Variants in TEAD3 observed in about 807,000 individuals in gnomAD.
The protein encoded by TEAD3 is transcriptional enhancer factor TEF-5.
TEAD3 carries 15 observed loss-of-function variants against 55.6 expected under a neutral mutation model. The ratio of observed to expected loss-of-function variants is 0.27; its 90% CI spans 0.18 to 0.42. The LOEUF (loss-of-function observed/expected upper bound fraction) is 0.42. Among genes scored for constraint, TEAD3 ranks in the 10% least tolerant of loss-of-function variants. TEAD3 has a pLI of 1.00. For missense variants in TEAD3, 407 were observed against 576.8 expected (o/e 0.71, Z 3.01); for synonymous variants, 210 against 232.2 (o/e 0.90, Z 0.87).
downstream of TEAD3, chr6:35,473,837 G>A (rs1196972572): frequency 3.9e-5 from 6 of 152,502 alleles, no homozygotes; most frequent in Non-Finnish European, 8.8e-5. Flanking sequence ...CTCGGGCAGG[G>A]TCGGGATGAG....
In TEAD3 at chr6:35,486,703, C is replaced by A. The variant is rs1433110717; in HGVS notation, c.-41G>T. The A allele has an allele frequency of 3.1e-6, 5 of 1,596,434 alleles. No homozygotes were observed. In the African/African-American group the frequency reaches 4.0e-5, roughly 13 times the overall value. ...GGGCTCTGGGCCTGAGCCCACTGGG[C>A]GGCTGAGCCTGGGGGACAGACAGAC... On this transcript the variant is annotated 5_prime_UTR_variant, in exon 2 of 13. Transcript: ENST00000639578. This position sits in a 1 kb window ranked among gnomAD's most constrained non-coding sequence, Gnocchi z 7.3.
At chr6:35,476,153 G>C in intron 9 of TEAD3, 61 bp from the exon 10 acceptor site, 1 of 1,529,226 alleles carries the variant, frequency 6.5e-7, no homozygotes, top group Non-Finnish European at 8.8e-7. Context: ...CGGGGGCGGG[G>C]AAGGGAGCAC....
intron 1 of TEAD3, among the ~76,000 whole-genome samples, chr6:35,493,255 G>C (rs1208507767): frequency 6.6e-6 from 1 of 152,136 alleles, no homozygotes; most frequent in Non-Finnish European, 1.5e-5. Flanking sequence ...GTGTACAATT[G>C]AGAGGCATTA....
At position 35,494,189 on chromosome 6, in the gene TEAD3, C is replaced by T. The variant is rs537835002; in HGVS notation, c.-50+2709G>A. Among the ~76,000 whole-genome samples the T allele has an allele frequency of 4.3e-4, 65 of 152,364 alleles. 2 individuals are homozygous for T. In the South Asian group the frequency reaches 0.012, roughly 29 times the overall value. On this transcript the variant is annotated intron_variant, in intron 1 of 12. Transcript: ENST00000639578. ...TCCCACTCATGGCTTCTCTCACACACATCCAGCGTCACACACAGTTGCATT... is the reference window on the plus strand; with the variant it reads ...TCCCACTCATGGCTTCTCTCACACATATCCAGCGTCACACACAGTTGCATT...
intron 5 of TEAD3, among the ~76,000 whole-genome samples, chr6:35,478,877 C>CTTTT (rs67071124): frequency 3.7e-5 from 4 of 106,754 alleles, no homozygotes; most frequent in African/African-American, 1.1e-4. Flanking sequence ...CTCCTATTTT[C>CTTTT]TTTTTTTTTT....
rs537568179 is a variant in TEAD3 at position 35,484,200 on chromosome 6, T to C, written c.267+360A>G. ...CGCCACCTTGCTCTGTACCCATCCA[T>C]CTGACCATCTGGCTCCCTGGCTGGT... On this transcript the variant is annotated intron_variant, in intron 3 of 12. Transcript: ENST00000639578. The surrounding 1 kb of genome is among the most constrained non-coding windows in gnomAD (Gnocchi z 5.8). 1.6e-4 allele frequency among the ~76,000 whole-genome samples: 25 copies of C among 152,236 alleles called. No individual in the cohort carries two copies. The highest frequency in any genetic ancestry group is 6.8e-3 in the Middle Eastern group (2 of 294).
Position 35,475,441 on chromosome 6 carries a change from G to A in TEAD3, c.1089C>T (p.His363=), listed in dbSNP as rs781711294. The change falls in exon 12 of 13, where the codon CAC becomes CAT. Residue 363 remains histidine, a synonymous_variant. Coordinates refer to ENST00000639578, the Ensembl canonical transcript of TEAD3. This position sits in a 1 kb window ranked among gnomAD's most constrained non-coding sequence, Gnocchi z 5.4. ...TCATGTACTCGCACATGGGCGAGCG[G>A]TGGATACGGTACACAAAGCGCCCGT... The A allele has an allele frequency of 1.9e-6, 3 of 1,613,842 alleles. No individual in the cohort carries two copies. Among genetic ancestry groups the A allele is most frequent in the African/African-American group, 1.3e-5 (1 of 74,886 alleles).
chr6:35,476,107 C>T lies in TEAD3; in HGVS notation c.727-15G>A. ...TGTTTGCTGTACTGTGGGGAGGGCCCAGACAGGGTCAGGAGAGTACTCAGG... is the reference window on the plus strand; with the variant it reads ...TGTTTGCTGTACTGTGGGGAGGGCCTAGACAGGGTCAGGAGAGTACTCAGG... On this transcript the variant is annotated splice_polypyrimidine_tract_variant and intron_variant, in intron 9 of 12. Transcript: ENST00000639578. The T allele has an allele frequency of 6.5e-7, 1 of 1,535,530 alleles. No individual in the cohort carries two copies. The highest frequency in any genetic ancestry group is 8.8e-7 in the Non-Finnish European group (1 of 1,140,052).
At position 35,484,958 on chromosome 6, in the gene TEAD3, G is replaced by A. The variant is rs73415624; in HGVS notation, c.203-334C>T. On this transcript the variant is annotated intron_variant, in intron 2 of 12. Coordinates refer to ENST00000639578, the Ensembl canonical transcript of TEAD3. The surrounding 1 kb of genome is among the most constrained non-coding windows in gnomAD (Gnocchi z 5.8). ...CGGGTGGCTGTGGTACAGGTCAGCA[G>A]GACAGTAGCTGAGTAGGGCCTGTCC... Among the ~76,000 whole-genome samples, 416 of 152,272 alleles carry A rather than the reference G, an allele frequency of 2.7e-3. 3 individuals are homozygous for A. The highest frequency in any genetic ancestry group is 9.4e-3 in the African/African-American group (389 of 41,560).
intron 3 of TEAD3, 52 bp from the exon 4 acceptor site, chr6:35,480,426 G>A: frequency 6.2e-7 from 1 of 1,603,424 alleles, no homozygotes. Context: ...CAGTGAGGAG[G>A]CACAGCCATG....
chr6:35,495,227 C>G (rs545685384), intron 1 of TEAD3, among the ~76,000 whole-genome samples: 1 of 152,206 alleles, frequency 6.6e-6, no homozygotes, highest in African/African-American at 2.4e-5. Context: ...CAAATCCTCC[C>G]GGTTTTAACA....
downstream of TEAD3, chr6:35,474,167 C>T (rs960872236): frequency 6.6e-6 from 1 of 152,272 alleles, no homozygotes; most frequent in African/African-American, 2.4e-5. Flanking sequence ...CTACCTTGCT[C>T]TCAATCTGGA....
In TEAD3 at chr6:35,492,344, C is replaced by T. The variant is rs190787098; in HGVS notation, c.-50+4554G>A. 5.3e-4 allele frequency among the ~76,000 whole-genome samples: 80 copies of T among 152,228 alleles called. No homozygotes were observed. The East Asian group carries it at 0.011, about 21-fold the overall frequency. On this transcript the variant is annotated intron_variant, in intron 1 of 12. Coordinates refer to ENST00000639578, the Ensembl canonical transcript of TEAD3. ...CTTTTCCTCCCTCCTCCCCTACCCG[C>T]CCCACAGCGGGCCAGCTGTTCTCCA...
At chr6:35,479,491 G>A (rs1446583165) in intron 4 of TEAD3, among the ~76,000 whole-genome samples, 175 bp from the exon 5 acceptor site, 1 of 152,228 alleles carries the variant, frequency 6.6e-6, no homozygotes, top group Non-Finnish European at 1.5e-5. Context: ...TGCCAGCTGG[G>A]GCAAGCCCTG....
exon 13 of TEAD3, chr6:35,474,965 C>T: frequency 1.6e-6 from 2 of 1,286,378 alleles, no homozygotes; most frequent in Non-Finnish European, 1.1e-6. Flanking sequence ...ATCCTCAATC[C>T]TGGACCCCCC....
At chr6:35,476,551 C>A in intron 8 of TEAD3, 116 bp from the exon 9 acceptor site, 1 of 1,338,772 alleles carries the variant, frequency 7.5e-7, no homozygotes. Context: ...TGGATTTTGA[C>A]TCCCCTACTA....
At chr6:35,487,449 G>A (rs1768410267) in intron 1 of TEAD3, among the ~76,000 whole-genome samples, 2 of 151,796 alleles carry the variant, frequency 1.3e-5, no homozygotes, top group Admixed American at 6.6e-5. Context: ...CTACTCAGGA[G>A]GCTGAAGCAG....
Position 35,475,840 on chromosome 6 carries a change from G to A in TEAD3, c.900+79C>T. The stretch of plus-strand genomic sequence containing the variant: ...GCCATGAGGATGCAGCAGGGTCAGA[G>A]GTCAATGCAGTGGGCCTGGATGTTG... On this transcript the variant is annotated intron_variant, in intron 10 of 12. Coordinates refer to ENST00000639578, the Ensembl canonical transcript of TEAD3. The surrounding 1 kb of genome is among the most constrained non-coding windows in gnomAD (Gnocchi z 5.4). 1.3e-6 allele frequency: 2 copies of A among 1,501,132 alleles called. No homozygotes were observed. Among genetic ancestry groups the A allele is most frequent in the Non-Finnish European group, 1.8e-6 (2 of 1,123,820 alleles). 93.0% of individuals were successfully genotyped at this position (1,501,132 alleles called of 1,614,324 possible). A position where few individuals can be genotyped will look rare whatever the true frequency, so the allele number is the denominator to read the frequency against.
rs1768643229 is a variant in TEAD3 at position 35,496,123 on chromosome 6, GT to G, written c.-50+774del. ...GGAATAAAGGGCATGACAGACAATG[GT>G]GGGGACCGGGGTAGGAAGCGGGAGA... On this transcript the variant is annotated intron_variant, in intron 1 of 12. Transcript: ENST00000639578. This position sits in a 1 kb window ranked among gnomAD's most constrained non-coding sequence, Gnocchi z 4.8. Among the ~76,000 whole-genome samples, 1 of 152,216 alleles carries G rather than the reference GT, an allele frequency of 6.6e-6. No individual in the cohort carries two copies. Among genetic ancestry groups the G allele is most frequent in the South Asian group, 2.1e-4 (1 of 4,836 alleles).
Sources: allele counts gnomAD v4.1 joint callset (sites outside exome capture counted in the v4.1 genomes callset), GRCh38; gene constraint gnomAD v4.1.1; non-coding constraint Gnocchi (gnomAD v3.1); transcripts MANE v1.5; gene names NCBI Gene and HGNC (gene_info 2026-07-23, HGNC 2026-07-21).